Variants in MAP7D2 observed in about 807,000 individuals in gnomAD.
The protein encoded by MAP7D2 is MAP7 domain-containing protein 2.
Under a neutral mutation model 63.5 loss-of-function variants are expected in MAP7D2, and 33 were observed. That is an observed-to-expected ratio of 0.52 (90% CI 0.39 to 0.70). MAP7D2 has a LOEUF of 0.70. Ranked by LOEUF, MAP7D2 falls within the 30% of genes least tolerant of loss-of-function variation. The pLI is 0.00. For synonymous variants in MAP7D2, 224 were observed against 223.7 expected, an observed-to-expected ratio of 1.00 and a Z score of -0.01; for missense variants, 626 against 604.0, an observed-to-expected ratio of 1.04 and a Z score of -0.38.
chrX:20,079,963 G>A (rs1243637876), intron 1 of MAP7D2, among the ~76,000 whole-genome samples: 1 of 111,427 alleles, frequency 9.0e-6, no homozygotes, highest in African/African-American at 3.3e-5. Context: ...GCTAAGATGA[G>A]CAAACTCAAA....
At chrX:20,068,141 G>A (rs1428290716) in intron 1 of MAP7D2, among the ~76,000 whole-genome samples, 2 of 112,182 alleles carry the variant, frequency 1.8e-5, no homozygotes, top group Admixed American at 1.9e-4. Context: ...AGCCCAACAT[G>A]GGCAATGTGG....
intron 1 of MAP7D2, among the ~76,000 whole-genome samples, chrX:20,107,189 G>A (rs1288651064): frequency 9.0e-6 from 1 of 110,903 alleles, no homozygotes; most frequent in Non-Finnish European, 1.9e-5. Flanking sequence ...GTTTCACACA[G>A]GGGAAGCCAG....
chrX:20,017,423 G>A (rs2073437882), intron 10 of MAP7D2, among the ~76,000 whole-genome samples: 1 of 112,367 alleles, frequency 8.9e-6, no homozygotes, highest in African/African-American at 3.2e-5. Flanking sequence ...CTGGGATGCT[G>A]TTGTTATAAA....
chrX:20,110,407 T>C (rs1239731155), intron 1 of MAP7D2, among the ~76,000 whole-genome samples: 1 of 110,339 alleles, frequency 9.1e-6, no homozygotes, highest in African/African-American at 3.3e-5. Flanking sequence ...GAGAATCACT[T>C]GAACCCAGGA....
chrX:20,088,316 G>A (rs754208789), intron 1 of MAP7D2, among the ~76,000 whole-genome samples: 62 of 102,681 alleles, frequency 6.0e-4, no homozygotes, highest in South Asian at 2.3e-3. Context: ...TTTTTGAGAC[G>A]GAGTCTCGCT....
At chrX:20,081,189 G>A (rs990528926) in intron 1 of MAP7D2, among the ~76,000 whole-genome samples, 24 of 112,578 alleles carry the variant, frequency 2.1e-4, no homozygotes, top group African/African-American at 7.4e-4. Flanking sequence ...TACCTGTGGA[G>A]TTTCCAGTAT....
intron 1 of MAP7D2, among the ~76,000 whole-genome samples, chrX:20,099,898 T>C (rs568748784): frequency 4.2e-4 from 47 of 112,207 alleles, no homozygotes; most frequent in East Asian, 5.6e-4. Flanking sequence ...TACTCACTTA[T>C]AGATTAACTA....
intron 3 of MAP7D2, among the ~76,000 whole-genome samples, chrX:20,062,088 C>G (rs1453436982): frequency 8.9e-6 from 1 of 112,726 alleles, no homozygotes; most frequent in African/African-American, 3.2e-5. Context: ...CCCTCTTGAC[C>G]TTGCTTTAGC....
At chrX:20,028,969 T>G (rs2073960864) in intron 8 of MAP7D2, among the ~76,000 whole-genome samples, 1 of 112,063 alleles carries the variant, frequency 8.9e-6, no homozygotes, top group African/African-American at 3.2e-5. Context: ...CTGATCTTCT[T>G]GCTTGCCCTC....
At chrX:20,054,222 A>T (rs1459344327) in intron 4 of MAP7D2, among the ~76,000 whole-genome samples, 1 of 112,519 alleles carries the variant, frequency 8.9e-6, no homozygotes, top group Non-Finnish European at 1.9e-5. Flanking sequence ...AGTTGAAATT[A>T]TATGAGTTTT....
At chrX:20,040,165 C>T (rs2064615285) in intron 8 of MAP7D2, among the ~76,000 whole-genome samples, 1 of 111,283 alleles carries the variant, frequency 9.0e-6, no homozygotes, top group African/African-American at 3.3e-5. Context: ...AGACTAAAGG[C>T]TGCACTGTCG....
chrX:20,015,235 C>T lies in MAP7D2; in HGVS notation c.1737G>A (p.Leu579=). 8.3e-7 allele frequency: 1 copy of T among 1,207,245 alleles called. No homozygotes were observed. Among genetic ancestry groups the T allele is most frequent in the Middle Eastern group, 2.3e-4 (1 of 4,334 alleles). Residue 579 remains leucine (L), a synonymous_variant, in exon 12 of 17, where the codon CTG becomes CTA. Coordinates refer to ENST00000379643, the MANE Select transcript of MAP7D2 (RefSeq NM_001168465.2). ...CCTCAGCCCTTACCTTCTTTCTCTCCAGTCTCTCCTGCTCAATCTGCAGCA... is the reference window on the plus strand; with the variant it reads ...CCTCAGCCCTTACCTTCTTTCTCTCTAGTCTCTCCTGCTCAATCTGCAGCA... The part of the protein sequence containing the change: ...QIMLQIEQER[L]ERKKRIDEIM...
intron 1 of MAP7D2, among the ~76,000 whole-genome samples, chrX:20,093,009 C>T (rs960647780): frequency 8.9e-6 from 1 of 111,961 alleles, no homozygotes; most frequent in Non-Finnish European, 1.9e-5. Flanking sequence ...GGCTGTGTGA[C>T]TGATCAATCT....
At chrX:20,075,272 T>A (rs2065614488) in intron 1 of MAP7D2, among the ~76,000 whole-genome samples, 1 of 111,649 alleles carries the variant, frequency 9.0e-6, no homozygotes, top group Non-Finnish European at 1.9e-5. Context: ...GAGAACTCTG[T>A]CTTTATGTTC....
intron 1 of MAP7D2, among the ~76,000 whole-genome samples, chrX:20,090,810 G>C (rs767449127): frequency 9.0e-6 from 1 of 111,650 alleles, no homozygotes; most frequent in African/African-American, 3.3e-5. Context: ...ATCAGCAAGA[G>C]AATGGATAAA....
Position 20,052,971 on chromosome X carries a change from T to C in MAP7D2, c.502A>G (p.Thr168Ala), listed in dbSNP as rs755332723. 5.8e-6 allele frequency: 7 copies of C among 1,203,407 alleles called. No homozygotes were observed. In the African/African-American group the frequency reaches 1.0e-4, roughly 18 times the overall value. ...GGCTTTGGCAAACTCATAGTTGATG[T>C]TGAAAGTTTGTCACATGCTGCAGAG... ...GGHDACDKLS[T>A]STMSLPKPTE... Residue 168 changes from threonine (T) to alanine (A), a missense_variant, in exon 5 of 17, where the codon ACA (threonine) becomes GCA (alanine). By Grantham distance (58) the Thr-to-Ala change is moderately conservative. Coordinates refer to ENST00000379643, the MANE Select transcript of MAP7D2 (RefSeq NM_001168465.2).
intron 6 of MAP7D2, 54 bp from the exon 7 acceptor site, chrX:20,044,578 T>C: frequency 1.9e-6 from 2 of 1,076,030 alleles, no homozygotes; most frequent in Non-Finnish European, 2.6e-6. Flanking sequence ...ATGGAAAAAG[T>C]AGAGCAGAGA....
intron 1 of MAP7D2, among the ~76,000 whole-genome samples, chrX:20,104,953 C>T (rs1422680129): frequency 3.6e-5 from 4 of 112,536 alleles, no homozygotes; most frequent in African/African-American, 1.3e-4. Flanking sequence ...AGGAAGAGAA[C>T]ATACAGGAAT....
intron 1 of MAP7D2, among the ~76,000 whole-genome samples, chrX:20,075,230 T>C (rs1364649504): frequency 8.9e-6 from 1 of 111,889 alleles, no homozygotes; most frequent in Admixed American, 9.5e-5. Flanking sequence ...CAACCAGAGA[T>C]GAGACTGCTC....
Sources: gnomAD v4.1 joint callset for allele counts (sites outside exome capture counted in the v4.1 genomes callset) on GRCh38, gnomAD v4.1.1 for gene constraint, MANE v1.5 for transcripts, NCBI Gene and HGNC (gene_info 2026-07-23, HGNC 2026-07-21) for gene names.